Variants in THSD7B observed in about 807,000 individuals in gnomAD.
The protein encoded by THSD7B is thrombospondin type 1 domain containing 7B, also known as thrombospondin type-1 domain-containing protein 7B.
A neutral mutation model predicts 213.6 loss-of-function variants in THSD7B; 138 were observed. The ratio of observed to expected loss-of-function variants is 0.65; its 90% CI spans 0.56 to 0.74. The LOEUF is 0.74. Among genes scored for constraint, THSD7B ranks in the 30% least tolerant of loss-of-function variants. The pLI, the probability that THSD7B is intolerant of heterozygous loss-of-function variation, is 0.00. For synonymous variants in THSD7B, 742 were observed against 687.0 expected (o/e 1.08, Z -1.25); for missense variants, 1,931 against 1,991.5 (o/e 0.97, Z 0.58).
intron 14 of THSD7B, among the ~76,000 whole-genome samples, chr2:137,414,236 G>A (rs1573612035): frequency 1.3e-5 from 2 of 151,890 alleles, no homozygotes; most frequent in African/African-American, 4.8e-5. Context: ...AACTTTTATG[G>A]TACTTGTATT....
intron 3 of THSD7B, among the ~76,000 whole-genome samples, chr2:137,071,541 T>G (rs1234389725): frequency 2.6e-5 from 4 of 152,232 alleles, no homozygotes; most frequent in Non-Finnish European, 5.9e-5. Context: ...ACTTTTGCTG[T>G]GCAGAAGCTC....
At chr2:136,787,112 G>A (rs1411589095) in intron 1 of THSD7B, among the ~76,000 whole-genome samples, 2 of 152,098 alleles carry the variant, frequency 1.3e-5, no homozygotes, top group Non-Finnish European at 2.9e-5. Flanking sequence ...TTTCCAGGAT[G>A]AGTGTAAGGA....
chr2:137,180,037 TG>T (rs1680425507), intron 7 of THSD7B, among the ~76,000 whole-genome samples: 1 of 152,168 alleles, frequency 6.6e-6, no homozygotes, highest in Admixed American at 6.5e-5. Flanking sequence ...TATAGGTTAT[TG>T]GTTCAGAAAT....
chr2:137,180,216 G>A (rs1048818946), intron 7 of THSD7B, among the ~76,000 whole-genome samples: 1 of 152,104 alleles, frequency 6.6e-6, no homozygotes, highest in African/African-American at 2.4e-5. Flanking sequence ...AGATACTATG[G>A]GTCCTGGAAG....
In THSD7B at chr2:137,057,087, T is replaced by G; in HGVS notation, c.807T>G (p.Phe269Leu). Residue 269 changes from phenylalanine to leucine, a missense_variant, in exon 3 of 28, where the codon TTT becomes TTG. Phe to Leu is a conservative substitution (Grantham distance 22). Transcript: ENST00000409968. ...INPSGRTVLD[F>L]NSDSNERVTF... ...CAAGCGGAAGAACTGTTCTGGATTT[T>G]AACTCTGATTCAAATGAGCGAGTCA... 2 of 1,614,008 alleles carry G rather than the reference T, an allele frequency of 1.2e-6. No homozygotes were observed. The highest frequency in any genetic ancestry group is 1.7e-6 in the Non-Finnish European group (2 of 1,179,896).
At chr2:137,301,722 A>G (rs1252313531) in intron 12 of THSD7B, among the ~76,000 whole-genome samples, 1 of 152,106 alleles carries the variant, frequency 6.6e-6, no homozygotes, top group African/African-American at 2.4e-5. Context: ...GAAAATGCAA[A>G]AGTCCCAGGT....
At chr2:136,851,879 AG>A (rs969048227) in intron 1 of THSD7B, among the ~76,000 whole-genome samples, 2 of 152,066 alleles carry the variant, frequency 1.3e-5, no homozygotes, top group African/African-American at 4.8e-5. Flanking sequence ...TCAGTGACAA[AG>A]GATCTAACCA....
rs759948386 is a variant in THSD7B at position 137,659,777 on chromosome 2, G to C, written c.4458+31G>C. ...TCATGTGCTGGAGTCTTCTATAAGT[G>C]CATTAATTGCTGTGTTTTACACATG... On this transcript the variant is annotated intron_variant, in intron 25 of 27. Coordinates refer to ENST00000409968, the MANE Select transcript of THSD7B (RefSeq NM_001316349.2). The C allele has an allele frequency of 2.6e-6, 4 of 1,562,020 alleles. No individual in the cohort carries two copies. The East Asian group carries it at 9.3e-5, about 36-fold the overall frequency.
At chr2:137,539,632 T>G (rs754401746) in intron 15 of THSD7B, among the ~76,000 whole-genome samples, 2 of 151,750 alleles carry the variant, frequency 1.3e-5, no homozygotes, top group African/African-American at 4.8e-5. Flanking sequence ...ATTCACATCA[T>G]AATCTCATAT....
At chr2:137,300,818 T>C (rs1353907462) in intron 12 of THSD7B, among the ~76,000 whole-genome samples, 1 of 152,102 alleles carries the variant, frequency 6.6e-6, no homozygotes, top group African/African-American at 2.4e-5. Context: ...GTTGAGCAAG[T>C]TTATACGGAC....
Position 137,096,917 on chromosome 2 carries a change from G to A in THSD7B, c.1199+1796G>A, listed in dbSNP as rs57467385. ...TAGCACATAGGTGGCGCTGCAAGAA[G>A]GATGACCACTATTGTTGCTATTTGC... is the stretch of plus-strand genomic sequence containing the variant. On this transcript the variant is annotated intron_variant, in intron 4 of 27. Transcript: ENST00000409968. 0.023 allele frequency among the ~76,000 whole-genome samples: 3,535 copies of A among 152,288 alleles called. 253 individuals are homozygous for A. In the East Asian group the frequency reaches 0.27, roughly 12 times the overall value.
intron 1 of THSD7B, among the ~76,000 whole-genome samples, chr2:136,813,795 G>A (rs1346433462): frequency 6.6e-6 from 1 of 152,150 alleles, no homozygotes; most frequent in African/African-American, 2.4e-5. Flanking sequence ...TTCTCTGCTT[G>A]TGACTCTACA....
At chr2:136,819,969 G>C (rs1682542639) in intron 1 of THSD7B, among the ~76,000 whole-genome samples, 1 of 151,928 alleles carries the variant, frequency 6.6e-6, no homozygotes, top group South Asian at 2.1e-4. Context: ...CCACTATTCT[G>C]GTCCTCACCC....
chr2:137,368,793 G>GC (rs1685478456), intron 12 of THSD7B, among the ~76,000 whole-genome samples: 1 of 152,016 alleles, frequency 6.6e-6, no homozygotes, highest in Non-Finnish European at 1.5e-5. Flanking sequence ...ATTCTCAGTT[G>GC]CCCCCTACTC....
At chr2:137,585,343 G>A (rs60070124) in intron 17 of THSD7B, among the ~76,000 whole-genome samples, 19,802 of 151,988 alleles carry the variant, frequency 0.13, 1,435 homozygotes, top group South Asian at 0.22. Context: ...ATCTCCTTCA[G>A]TTCTGCTCTG....
intron 12 of THSD7B, among the ~76,000 whole-genome samples, chr2:137,402,834 A>AT (rs1686402802): frequency 6.8e-6 from 1 of 148,052 alleles, no homozygotes; most frequent in African/African-American, 2.5e-5. Context: ...AAAAAAAAAA[A>AT]GGTTTGAATT....
chr2:137,375,421 A>T (rs553034747), intron 12 of THSD7B, among the ~76,000 whole-genome samples: 1 of 152,306 alleles, frequency 6.6e-6, no homozygotes, highest in East Asian at 1.9e-4. Flanking sequence ...ATTATTCTGG[A>T]TGGAAAGCCT....
chr2:136,840,195 A>C (rs530219546), intron 1 of THSD7B, among the ~76,000 whole-genome samples: 2 of 152,192 alleles, frequency 1.3e-5, no homozygotes, highest in African/African-American at 4.8e-5. Context: ...CCTGGCCAAC[A>C]TGGTGAAATC....
At chr2:137,195,863 T>G (rs1433637647) in intron 7 of THSD7B, among the ~76,000 whole-genome samples, 1 of 152,164 alleles carries the variant, frequency 6.6e-6, no homozygotes, top group African/African-American at 2.4e-5. Context: ...CATCTGAAAC[T>G]ATATACCCAC....
Sources: allele counts gnomAD v4.1 joint callset (sites outside exome capture counted in the v4.1 genomes callset), GRCh38; gene constraint gnomAD v4.1.1; transcripts MANE v1.5; gene names NCBI Gene and HGNC (gene_info 2026-07-23, HGNC 2026-07-21).